The following PRR16 variants were observed in gnomAD, a reference collection of about 807,000 sequenced individuals.
The protein encoded by PRR16 is protein Largen.
In PRR16, 6 loss-of-function variants were observed where a neutral mutation model predicts 18.2. That is an observed-to-expected ratio of 0.33 (90% CI 0.18 to 0.65). PRR16 has a LOEUF of 0.65. Ranked by LOEUF, PRR16 falls within the 30% of genes least tolerant of loss-of-function variation. PRR16 has a pLI of 0.74. For synonymous variants in PRR16, 151 were observed against 147.8 expected (o/e 1.02, Z -0.16); for missense variants, 412 against 376.6 (o/e 1.09, Z -0.78).
the PRR16 span, among the ~76,000 whole-genome samples, chr5:120,756,935 G>A: frequency 6.6e-6 from 1 of 152,092 alleles, no homozygotes; most frequent in South Asian, 2.1e-4. Flanking sequence ...AGTTTAAGGT[G>A]TTACATTTAA....
chr5:120,649,482 A>C (rs1394491311), intron 1 of PRR16, among the ~76,000 whole-genome samples: 1 of 152,162 alleles, frequency 6.6e-6, no homozygotes. Context: ...TACAGGGTTT[A>C]TGAGTTATCT....
intron 1 of PRR16, among the ~76,000 whole-genome samples, chr5:120,633,705 G>A (rs1400787027): frequency 6.6e-6 from 1 of 151,230 alleles, no homozygotes; most frequent in Non-Finnish European, 1.5e-5. Flanking sequence ...CCTAAAACTG[G>A]AGGTCCCAAA....
At chr5:120,598,727 C>T (rs1433074258) in intron 1 of PRR16, among the ~76,000 whole-genome samples, 1 of 151,912 alleles carries the variant, frequency 6.6e-6, no homozygotes, top group African/African-American at 2.4e-5. Flanking sequence ...TAATGGCATC[C>T]AGCAGCATCA....
chr5:120,660,651 C>T (rs1489935932), intron 1 of PRR16, among the ~76,000 whole-genome samples: 3 of 152,026 alleles, frequency 2.0e-5, no homozygotes, highest in African/African-American at 7.2e-5. Context: ...CCCTGATTCC[C>T]TTGCTGTCAA....
chr5:120,648,159 T>C (rs1213842450), intron 1 of PRR16, among the ~76,000 whole-genome samples: 1 of 152,144 alleles, frequency 6.6e-6, no homozygotes, highest in African/African-American at 2.4e-5. Context: ...TGTTATACGT[T>C]GTAGTCACTA....
chr5:120,694,897 TA>T, the PRR16 span, among the ~76,000 whole-genome samples: 10 of 152,116 alleles, frequency 6.6e-5, no homozygotes, highest in African/African-American at 2.2e-4. Flanking sequence ...TCTTTTGTTT[TA>T]AAAAAATATC....
chr5:120,544,688 A>G (rs935674268), intron 1 of PRR16, among the ~76,000 whole-genome samples: 6 of 151,914 alleles, frequency 3.9e-5, no homozygotes. Context: ...TCATAAAGTC[A>G]TTCGTGATTT....
the PRR16 span, among the ~76,000 whole-genome samples, chr5:120,772,720 T>C: frequency 6.6e-6 from 1 of 152,084 alleles, no homozygotes; most frequent in Non-Finnish European, 1.5e-5. Flanking sequence ...TTCTACAAAT[T>C]CCAGAATTTG....
the PRR16 span, among the ~76,000 whole-genome samples, chr5:120,773,525 A>T: frequency 6.6e-6 from 1 of 152,282 alleles, no homozygotes; most frequent in Middle Eastern, 3.4e-3. Flanking sequence ...GCTGCCACTC[A>T]ATACTTTCAT....
intron 1 of PRR16, among the ~76,000 whole-genome samples, chr5:120,523,783 GTATTGATA>G (rs56152553): frequency 0.24 from 36,830 of 151,752 alleles, 4,647 homozygotes; most frequent in African/African-American, 0.31. Context: ...GTGTATATAT[GTATTGATA>G]TATTGAATAC....
the PRR16 span, among the ~76,000 whole-genome samples, chr5:120,784,339 T>C: frequency 6.6e-6 from 1 of 152,198 alleles, no homozygotes; most frequent in Non-Finnish European, 1.5e-5. Context: ...GTGTACGAGC[T>C]TTACTTTATC....
the PRR16 span, among the ~76,000 whole-genome samples, chr5:120,753,665 G>T: frequency 8.6e-5 from 13 of 150,652 alleles, no homozygotes; most frequent in African/African-American, 3.2e-4. Flanking sequence ...CTTACTATAT[G>T]CCAATCACTG....
chr5:120,648,872 G>A (rs1046949036), intron 1 of PRR16, among the ~76,000 whole-genome samples: 21 of 152,230 alleles, frequency 1.4e-4, no homozygotes, highest in African/African-American at 4.8e-4. Context: ...TGTGGAATTG[G>A]AAAGAGATGC....
intron 1 of PRR16, among the ~76,000 whole-genome samples, chr5:120,586,971 T>C (rs1387817032): frequency 6.6e-6 from 1 of 152,120 alleles, no homozygotes; most frequent in Non-Finnish European, 1.5e-5. Context: ...TTGAAGAAAA[T>C]TAAAAGTACT....
At chr5:120,514,240 T>C (rs557079750) in intron 1 of PRR16, among the ~76,000 whole-genome samples, 1 of 152,304 alleles carries the variant, frequency 6.6e-6, no homozygotes, top group African/African-American at 2.4e-5. Context: ...CTGGAAACCT[T>C]GCTCTCAAGG....
chr5:120,748,643 T>G, the PRR16 span, among the ~76,000 whole-genome samples: 2 of 152,142 alleles, frequency 1.3e-5, no homozygotes, highest in African/African-American at 4.8e-5. Context: ...GGAAAACTTA[T>G]AGAAGAAAAT....
chr5:120,704,968 T>A, the PRR16 span, among the ~76,000 whole-genome samples: 3 of 152,110 alleles, frequency 2.0e-5, no homozygotes, highest in Admixed American at 2.0e-4. Context: ...TAAGAAGTAA[T>A]TCCTGAGCTA....
At chr5:120,695,503 A>G in the PRR16 span, among the ~76,000 whole-genome samples, 1 of 151,978 alleles carries the variant, frequency 6.6e-6, no homozygotes, top group Non-Finnish European at 1.5e-5. Context: ...GGCTTTTATC[A>G]TCTCCCTTCT....
At chr5:120,714,958 G>A in the PRR16 span, among the ~76,000 whole-genome samples, 1 of 152,054 alleles carries the variant, frequency 6.6e-6, no homozygotes, top group Non-Finnish European at 1.5e-5. Context: ...TGGACACAGG[G>A]AGGAGAACAA....
Sources: allele counts gnomAD v4.1 joint callset (sites outside exome capture counted in the v4.1 genomes callset), GRCh38; gene constraint gnomAD v4.1.1; transcripts MANE v1.5; gene names NCBI Gene and HGNC (gene_info 2026-07-23, HGNC 2026-07-21).